The following NLGN1 variants were observed in gnomAD, a reference collection of about 807,000 sequenced individuals.
NLGN1 encodes neuroligin 1.
Under a neutral mutation model 65.5 loss-of-function variants are expected in NLGN1, and 12 were observed. The observed-to-expected ratio is 0.18, with a 90% CI of 0.12 to 0.30. The LOEUF (loss-of-function observed/expected upper bound fraction) is 0.30, where lower values mean the gene tolerates loss of function less well. Among genes scored for constraint, NLGN1 ranks in the 10% least tolerant of loss-of-function variants. The probability of loss-of-function intolerance (pLI) is 1.00; values close to 1 mark genes in which losing one functional copy is unlikely to be tolerated. For synonymous variants in NLGN1, 350 were observed against 359.5 expected (o/e 0.97, Z 0.30); for missense variants, 750 against 1,007.1 (o/e 0.74, Z 3.46).
chr3:173,761,069 T>C (rs542988493), intron 3 of NLGN1, among the ~76,000 whole-genome samples: 1 of 152,200 alleles, frequency 6.6e-6, no homozygotes, highest in African/African-American at 2.4e-5. Flanking sequence ...CATTTCCAGC[T>C]GTATTGTGTA....
exon 7 of NLGN1, chr3:174,281,939 T>C (rs1261965804): frequency 1.3e-5 from 2 of 152,348 alleles, no homozygotes; most frequent in African/African-American, 4.8e-5. Context: ...TTTATATGCT[T>C]GGTGGCTGTG....
chr3:173,445,297 A>G (rs1346669697), intron 2 of NLGN1, among the ~76,000 whole-genome samples: 2 of 138,616 alleles, frequency 1.4e-5, no homozygotes, highest in Non-Finnish European at 1.6e-5. Context: ...AAAAAAAAAC[A>G]AGGACTTGTG....
chr3:174,242,559 A>G (rs978250766), intron 4 of NLGN1, among the ~76,000 whole-genome samples: 2 of 152,002 alleles, frequency 1.3e-5, no homozygotes, highest in African/African-American at 4.8e-5. Flanking sequence ...ACCTGAACCC[A>G]ATTATGAAGT....
intron 2 of NLGN1, among the ~76,000 whole-genome samples, chr3:173,474,173 C>G (rs564153962): frequency 6.6e-6 from 1 of 152,082 alleles, no homozygotes; most frequent in South Asian, 2.1e-4. Flanking sequence ...TCTCTTCCTC[C>G]TCTTGCTCCT....
chr3:173,701,112 C>G (rs193105834), intron 3 of NLGN1, among the ~76,000 whole-genome samples: 4 of 152,020 alleles, frequency 2.6e-5, no homozygotes, highest in Non-Finnish European at 4.4e-5. Context: ...CTGGGTGACA[C>G]AGCGAGACTC....
chr3:173,451,473 G>C (rs576046221), intron 2 of NLGN1, among the ~76,000 whole-genome samples: 2 of 152,172 alleles, frequency 1.3e-5, no homozygotes, highest in Non-Finnish European at 2.9e-5. Context: ...CGCCCCTAAT[G>C]GGGGGTGCCT....
intron 4 of NLGN1, among the ~76,000 whole-genome samples, chr3:174,261,059 C>G (rs1746793573): frequency 6.6e-6 from 1 of 152,148 alleles, no homozygotes; most frequent in African/African-American, 2.4e-5. Flanking sequence ...TGTTTTGGTA[C>G]CAGTACCATG....
chr3:173,577,365 C>G (rs1745663884), intron 2 of NLGN1, among the ~76,000 whole-genome samples: 1 of 152,214 alleles, frequency 6.6e-6, no homozygotes, highest in Non-Finnish European at 1.5e-5. Flanking sequence ...ATGCTTTGAA[C>G]TTTCTTCACA....
At chr3:173,797,664 GCAAAAAA>G (rs1229924428) in intron 3 of NLGN1, among the ~76,000 whole-genome samples, 5 of 138,870 alleles carry the variant, frequency 3.6e-5, no homozygotes, top group Non-Finnish European at 7.7e-5. Flanking sequence ...AACTAATGTA[GCAAAAAA>G]CAAAAAATAA....
In NLGN1 at chr3:173,987,376, A is replaced by T. The variant is rs1011566690; in HGVS notation, c.646+179544A>T. 1.2e-4 allele frequency among the ~76,000 whole-genome samples: 18 copies of T among 152,318 alleles called. No homozygotes were observed. In the South Asian group the frequency reaches 3.1e-3, roughly 26 times the overall value. ...AAGATCTGAGGAAATCAACTGTGAGAATGTTACAAACAGGGAAAATTAGGT... is the reference window on the plus strand; with the variant it reads ...AAGATCTGAGGAAATCAACTGTGAGTATGTTACAAACAGGGAAAATTAGGT... On this transcript the variant is annotated intron_variant, in intron 4 of 6. Coordinates refer to ENST00000457714, the Ensembl canonical transcript of NLGN1.
chr3:174,129,074 A>G (rs1352740263), intron 4 of NLGN1, among the ~76,000 whole-genome samples: 1 of 152,066 alleles, frequency 6.6e-6, no homozygotes, highest in Non-Finnish European at 1.5e-5. Flanking sequence ...CCTGTTGTCA[A>G]ATCTGGAGAT....
At chr3:173,687,351 TG>T (rs1764835013) in intron 3 of NLGN1, among the ~76,000 whole-genome samples, 1 of 152,220 alleles carries the variant, frequency 6.6e-6, no homozygotes, top group African/African-American at 2.4e-5. Context: ...GACCTTATTA[TG>T]TACATGCGTG....
intron 2 of NLGN1, among the ~76,000 whole-genome samples, chr3:173,460,047 C>A (rs945362172): frequency 1.9e-4 from 29 of 151,988 alleles, no homozygotes; most frequent in African/African-American, 6.3e-4. Flanking sequence ...TTTTAAAAAT[C>A]AATATTTTTT....
chr3:174,149,364 G>A (rs1269350911), intron 4 of NLGN1, among the ~76,000 whole-genome samples: 1 of 152,052 alleles, frequency 6.6e-6, no homozygotes, highest in Non-Finnish European at 1.5e-5. Flanking sequence ...CCTTTGAAAT[G>A]CTTTCTTCTT....
intron 3 of NLGN1, among the ~76,000 whole-genome samples, chr3:173,675,864 CTT>C (rs58269568): frequency 0.019 from 2,108 of 113,142 alleles, 63 homozygotes; most frequent in African/African-American, 0.071. Flanking sequence ...TTCTCTCTCT[CTT>C]TGTCTCTCTC....
intron 2 of NLGN1, among the ~76,000 whole-genome samples, chr3:173,584,260 G>A (rs1009058957): frequency 2.7e-5 from 4 of 147,710 alleles, no homozygotes; most frequent in Admixed American, 1.3e-4. Context: ...AAAAAAAAAA[G>A]GTGAGGAGAG....
At chr3:173,734,051 G>T (rs894429722) in intron 3 of NLGN1, among the ~76,000 whole-genome samples, 9 of 151,788 alleles carry the variant, frequency 5.9e-5, no homozygotes, top group Non-Finnish European at 5.9e-5. Context: ...TAGACTTTGC[G>T]GTTATATTTT....
chr3:174,018,634 C>T (rs537872674), intron 4 of NLGN1, among the ~76,000 whole-genome samples: 36 of 152,218 alleles, frequency 2.4e-4, no homozygotes, highest in Admixed American at 2.0e-3. Flanking sequence ...CATCTAGAAA[C>T]GTTCTTAAAA....
chr3:173,594,087 C>G (rs1749029818), intron 2 of NLGN1, among the ~76,000 whole-genome samples: 1 of 152,150 alleles, frequency 6.6e-6, no homozygotes. Context: ...CCTGGCCCCT[C>G]CAAATCTCAT....
Sources: gnomAD v4.1 joint callset for allele counts (sites outside exome capture counted in the v4.1 genomes callset) on GRCh38, gnomAD v4.1.1 for gene constraint, MANE v1.5 for transcripts, NCBI Gene and HGNC (gene_info 2026-07-23, HGNC 2026-07-21) for gene names.